CCDC93: variants seen among roughly 807,000 people sequenced by gnomAD.
The protein encoded by CCDC93 is coiled-coil domain-containing protein 93.
Under a neutral mutation model 108.2 loss-of-function variants are expected in CCDC93, and 61 were observed. The ratio of observed to expected loss-of-function variants is 0.56; its 90% CI spans 0.46 to 0.70. CCDC93 has a LOEUF of 0.70. Ranked by LOEUF, CCDC93 falls within the 30% of genes least tolerant of loss-of-function variation. CCDC93 has a pLI of 0.00. For missense variants in CCDC93, 685 were observed against 764.2 expected (o/e 0.90, Z 1.22); for synonymous variants, 276 against 260.4 (o/e 1.06, Z -0.58).
rs76256531 is a variant in CCDC93 at position 117,965,659 on chromosome 2, A to T, written c.889-7178T>A. Among the ~76,000 whole-genome samples the T allele has an allele frequency of 4.7e-4, 71 of 152,312 alleles. No homozygotes were observed. In the East Asian group the frequency reaches 0.013, roughly 28 times the overall value. On this transcript the variant is annotated intron_variant, in intron 11 of 23. Transcript: ENST00000376300. ...CCCGGCAGCCACTTTATAGGCATAC[A>T]AATTGTATTATTCTGTAATTTATGT...
intron 13 of CCDC93, 81 bp from the exon 14 acceptor site, chr2:117,949,476 T>A (rs1251923621): frequency 1.0e-6 from 1 of 988,412 alleles, no homozygotes; most frequent in Non-Finnish European, 1.6e-6. Context: ...GTGAGGCAGA[T>A]AATGACACTT....
chr2:117,975,772 T>C (rs11891407), intron 8 of CCDC93, among the ~76,000 whole-genome samples: 14,181 of 152,236 alleles, frequency 0.093, 674 homozygotes, highest in South Asian at 0.15. Context: ...GGGGTATTAG[T>C]GTGTGTGTAC....
intron 6 of CCDC93, among the ~76,000 whole-genome samples, chr2:117,989,203 C>T (rs1680405442): frequency 6.6e-6 from 1 of 152,194 alleles, no homozygotes; most frequent in Non-Finnish European, 1.5e-5. Flanking sequence ...TAGGATAAAC[C>T]CTATGGCTAG....
At position 117,958,837 on chromosome 2, in the gene CCDC93, A is replaced by T. The variant is rs146215848; in HGVS notation, c.889-356T>A. Among the ~76,000 whole-genome samples the T allele has an allele frequency of 3.1e-3, 479 of 152,366 alleles. 5 individuals are homozygous for T. The highest frequency in any genetic ancestry group is 0.011 in the African/African-American group (458 of 41,586). On this transcript the variant is annotated intron_variant, in intron 11 of 23. Coordinates refer to ENST00000376300, the MANE Select transcript of CCDC93 (RefSeq NM_019044.5). Reference sequence around the variant, plus strand: ...TCATAAGACCATTCTGGAGTTATCAAGAATAATGAATTGATTCACTGTGAT... The same window carrying T: ...TCATAAGACCATTCTGGAGTTATCATGAATAATGAATTGATTCACTGTGAT...
chr2:117,942,537 T>C (rs2104731565), intron 18 of CCDC93, among the ~76,000 whole-genome samples: 1 of 152,308 alleles, frequency 6.6e-6, no homozygotes, highest in Non-Finnish European at 1.5e-5. Context: ...TCTCAGCTCC[T>C]AGCCTTCTTG....
chr2:117,962,084 T>C (rs1214928444), intron 11 of CCDC93, among the ~76,000 whole-genome samples: 1 of 152,240 alleles, frequency 6.6e-6, no homozygotes, highest in Admixed American at 6.5e-5. Context: ...CGAATAATAT[T>C]AGTCTAGTTC....
chr2:117,950,688 G>C, intron 13 of CCDC93: 1 of 985,442 alleles, frequency 1.0e-6, no homozygotes, highest in Non-Finnish European at 1.2e-6. Flanking sequence ...ACCAGGCCCA[G>C]AGGTGAAAAA....
At chr2:117,993,148 G>C (rs771122975) in intron 6 of CCDC93, among the ~76,000 whole-genome samples, 5 of 152,128 alleles carry the variant, frequency 3.3e-5, no homozygotes, top group Non-Finnish European at 7.4e-5. Context: ...TGTAATCCCA[G>C]CACTTTGGGA....
At chr2:117,976,934 CTTTT>C (rs34472456) in intron 8 of CCDC93, among the ~76,000 whole-genome samples, 6 of 118,216 alleles carry the variant, frequency 5.1e-5, no homozygotes, top group South Asian at 2.7e-4. Context: ...AATAACCAAT[CTTTT>C]TTTTTTTTTT....
intron 14 of CCDC93, 35 bp downstream of exon 14, chr2:117,949,287 C>T: frequency 6.8e-7 from 1 of 1,468,832 alleles, no homozygotes; most frequent in Non-Finnish European, 9.5e-7. Flanking sequence ...TCACTTTCAT[C>T]AAAGCAAAAA....
At position 117,944,080 on chromosome 2, in the gene CCDC93, G is replaced by T. The variant is rs776136914; in HGVS notation, c.1357C>A (p.Leu453Ile). 12 of 1,596,410 alleles carry T rather than the reference G, an allele frequency of 7.5e-6. No individual in the cohort carries two copies. Among genetic ancestry groups the T allele is most frequent in the Non-Finnish European group, 3.4e-6 (4 of 1,173,556 alleles). Residue 453 changes from leucine to isoleucine, a missense_variant, in exon 18 of 24, where the codon CTA becomes ATA. Coordinates refer to ENST00000376300, the MANE Select transcript of CCDC93 (RefSeq NM_019044.5). ...TTCTCCATATTATACCGTCTGTCTA[G>T]GTCTTCCTAAAAATTGGAAAAGGCT... ...LTSAMTHDED[L>I]DRRYNMEKEK...
At chr2:117,929,538 A>G (rs566338230) in intron 23 of CCDC93, among the ~76,000 whole-genome samples, 33 of 152,280 alleles carry the variant, frequency 2.2e-4, no homozygotes, top group Middle Eastern at 3.4e-3. Flanking sequence ...TTTCATTTTC[A>G]ATTGCTTTGA....
At chr2:118,012,359 G>A (rs1360481383) in intron 1 of CCDC93, 1 of 152,140 alleles carries the variant, frequency 6.6e-6, no homozygotes, top group African/African-American at 2.4e-5. Context: ...ATATTTACTA[G>A]CTTCTGAACT....
intron 3 of CCDC93, 121 bp downstream of exon 3, chr2:118,006,601 C>T (rs1224877814): frequency 1.5e-6 from 1 of 686,270 alleles, no homozygotes; most frequent in Non-Finnish European, 2.6e-6. Flanking sequence ...AGGGATAATA[C>T]CTCTTGTAAT....
rs185543166 is a variant in CCDC93 at position 117,985,345 on chromosome 2, G to T, written c.620+624C>A. Reference sequence around the variant, plus strand: ...GGGCTGTGAGGCAGAGCAGCACACAGGAGCCTCTCCCAACACAAAGGAAGC... The same window carrying T: ...GGGCTGTGAGGCAGAGCAGCACACATGAGCCTCTCCCAACACAAAGGAAGC... On this transcript the variant is annotated intron_variant, in intron 7 of 23. Coordinates refer to ENST00000376300, the MANE Select transcript of CCDC93 (RefSeq NM_019044.5). 1.5e-5 allele frequency: 6 copies of T among 401,944 alleles called. No individual in the cohort carries two copies. The South Asian group carries it at 6.1e-4, about 41-fold the overall frequency. The allele number at this position is 401,944 out of a possible 1,614,324, so 24.9% of individuals were successfully genotyped here.
rs1430661550 is a variant in CCDC93 at position 117,945,510 on chromosome 2, T to C, written c.1350+19A>G. ...TGCCCTCAGGAGACAATGCCAGTCC[T>C]GAGCAGGCAGGTACTTACGTCATGA... On this transcript the variant is annotated intron_variant, in intron 17 of 23. Transcript: ENST00000376300. The C allele has an allele frequency of 6.2e-7, 1 of 1,611,248 alleles. No individual in the cohort carries two copies. Among genetic ancestry groups the C allele is most frequent in the South Asian group, 1.1e-5 (1 of 91,016 alleles).
chr2:117,985,863 A>G lies in CCDC93; in HGVS notation c.620+106T>C, dbSNP rs141137614. Reference sequence around the variant, plus strand: ...CTGATGTTGGAAATCTCATGGCTGAAGGCAGAAACTCAATCGGGTAGAAGC... The same window carrying G: ...CTGATGTTGGAAATCTCATGGCTGAGGGCAGAAACTCAATCGGGTAGAAGC... On this transcript the variant is annotated intron_variant, in intron 7 of 23. Coordinates refer to ENST00000376300, the MANE Select transcript of CCDC93 (RefSeq NM_019044.5). 1.9e-4 allele frequency: 122 copies of G among 656,982 alleles called. No homozygotes were observed. In the African/African-American group the frequency reaches 2.1e-3, roughly 11 times the overall value. 40.7% of individuals were successfully genotyped at this position (656,982 alleles called of 1,614,324 possible). A position where few individuals can be genotyped will look rare whatever the true frequency, so the allele number is the denominator to read the frequency against.
At chr2:117,962,672 CTA>C (rs1358004531) in intron 11 of CCDC93, among the ~76,000 whole-genome samples, 2 of 152,166 alleles carry the variant, frequency 1.3e-5, no homozygotes, top group African/African-American at 2.4e-5. Flanking sequence ...AGTAAACAGA[CTA>C]TGTGAAATAT....
chr2:117,990,434 C>T (rs1322544425), intron 6 of CCDC93, among the ~76,000 whole-genome samples: 3 of 152,196 alleles, frequency 2.0e-5, no homozygotes, highest in African/African-American at 7.2e-5. Flanking sequence ...AAAGCCAAGA[C>T]AAAAACAGAA....
Sources: allele counts gnomAD v4.1 joint callset (sites outside exome capture counted in the v4.1 genomes callset), GRCh38; gene constraint gnomAD v4.1.1; transcripts MANE v1.5; gene names NCBI Gene and HGNC (gene_info 2026-07-23, HGNC 2026-07-21).